The following HELLS variants were observed in gnomAD, a reference collection of about 807,000 sequenced individuals.
HELLS encodes the protein lymphoid-specific helicase.
HELLS carries 32 observed loss-of-function variants against 120.0 expected under a neutral mutation model. The observed-to-expected ratio is 0.27, with a 90% CI of 0.20 to 0.36. The LOEUF (loss-of-function observed/expected upper bound fraction) is 0.36. HELLS is among the 10% of genes least tolerant of loss of function. HELLS has a pLI of 1.00. For missense variants in HELLS, 650 were observed against 993.4 expected (o/e 0.65, Z 4.65); for synonymous variants, 341 against 323.4 (o/e 1.05, Z -0.58).
chr10:94,570,201 C>T (rs1020622814), intron 6 of HELLS: 1 of 151,816 alleles, frequency 6.6e-6, no homozygotes, highest in Non-Finnish European at 1.5e-5. Flanking sequence ...ACCACCAAGC[C>T]CAGCCAACAT....
intron 21 of HELLS, among the ~76,000 whole-genome samples, chr10:94,599,755 T>C (rs1483308012): frequency 6.6e-6 from 1 of 152,192 alleles, no homozygotes; most frequent in Non-Finnish European, 1.5e-5. Context: ...GTAACAGCAA[T>C]AATTGTTTAA....
exon 10 of HELLS, chr10:94,611,274 A>G (rs888958168): frequency 6.6e-5 from 10 of 152,222 alleles, no homozygotes; most frequent in African/African-American, 2.4e-4. Context: ...TAAATGGGTT[A>G]GTGCACAAAA....
At chr10:94,557,725 C>T (rs965341867) in intron 3 of HELLS, among the ~76,000 whole-genome samples, 1 of 152,146 alleles carries the variant, frequency 6.6e-6, no homozygotes, top group Non-Finnish European at 1.5e-5. Flanking sequence ...GGTACTTGAC[C>T]CTGGGAATGC....
At chr10:94,551,223 CT>C (rs1565012967) in intron 2 of HELLS, among the ~76,000 whole-genome samples, 1 of 152,090 alleles carries the variant, frequency 6.6e-6, no homozygotes, top group Non-Finnish European at 1.5e-5. Context: ...GTATGCATTA[CT>C]TTTGTTAGGT....
intron 9 of HELLS, among the ~76,000 whole-genome samples, chr10:94,575,771 TTGTGTG>T (rs71031588): frequency 0.033 from 4,035 of 122,534 alleles, 115 homozygotes; most frequent in African/African-American, 0.051. Flanking sequence ...GGGGTTGTGT[TTGTGTG>T]TGTGTGTGTG....
chr10:94,602,494 A>G (rs4918419), downstream of HELLS, among the ~76,000 whole-genome samples: 57,975 of 151,980 alleles, frequency 0.38, 11,460 homozygotes, highest in East Asian at 0.68. Context: ...ACAATGAGGA[A>G]GAGAAATCCT....
At chr10:94,576,337 A>G (rs577025016) in intron 9 of HELLS, among the ~76,000 whole-genome samples, 1 of 151,934 alleles carries the variant, frequency 6.6e-6, no homozygotes, top group South Asian at 2.1e-4. Context: ...TTTTTTGTAG[A>G]GATGGGATTT....
downstream of HELLS, among the ~76,000 whole-genome samples, chr10:94,604,601 T>A (rs565405633): frequency 2.6e-5 from 4 of 152,184 alleles, no homozygotes; most frequent in Non-Finnish European, 2.9e-5. Flanking sequence ...AAATACCTTC[T>A]TGAAAAGCCT....
chr10:94,550,711 GA>G (rs1451198505), intron 2 of HELLS, among the ~76,000 whole-genome samples: 1 of 152,060 alleles, frequency 6.6e-6, no homozygotes, highest in African/African-American at 2.4e-5. Flanking sequence ...GTAACAGGGT[GA>G]AACCCCATCT....
chr10:94,595,647 G>A (rs750446508), intron 19 of HELLS, among the ~76,000 whole-genome samples: 49 of 152,194 alleles, frequency 3.2e-4, no homozygotes, highest in Middle Eastern at 6.8e-3. Flanking sequence ...AAATTCTGAG[G>A]AGGTGGGGAA....
chr10:94,593,477 T>G (rs1377323574), intron 17 of HELLS, 22 bp from the exon 18 acceptor site: 21 of 1,402,340 alleles, frequency 1.5e-5, no homozygotes, highest in Non-Finnish European at 2.1e-5. Context: ...ATCTGTTGTA[T>G]TTACATCCTT....
exon 10 of HELLS, chr10:94,610,263 T>C (rs1262123990): frequency 1.3e-5 from 2 of 152,006 alleles, no homozygotes; most frequent in Non-Finnish European, 2.9e-5. Context: ...ACCAAGCGAA[T>C]ACACTGGATT....
intron 12 of HELLS, 44 bp downstream of exon 12, chr10:94,583,103 A>G (rs1431056857): frequency 1.8e-6 from 2 of 1,116,042 alleles, no homozygotes; most frequent in Non-Finnish European, 2.6e-6. Flanking sequence ...GGCTCGATAG[A>G]GTATAAAAGG....
exon 10 of HELLS, chr10:94,611,728 TGAAGA>T (rs1348341218): frequency 6.6e-6 from 1 of 152,144 alleles, no homozygotes; most frequent in Non-Finnish European, 1.5e-5. Flanking sequence ...AAATTTTAAG[TGAAGA>T]GAACAATTCT....
chr10:94,563,069 C>G (rs1454983594), intron 6 of HELLS, among the ~76,000 whole-genome samples, 193 bp downstream of exon 6: 1 of 151,648 alleles, frequency 6.6e-6, no homozygotes, highest in African/African-American at 2.4e-5. Flanking sequence ...AGACTTGAGA[C>G]TAATCTGAAA....
chr10:94,591,803 T>G (rs893129751), intron 15 of HELLS, among the ~76,000 whole-genome samples: 1 of 152,208 alleles, frequency 6.6e-6, no homozygotes, highest in Non-Finnish European at 1.5e-5. Context: ...GGTGAAAAAG[T>G]CTTTGTCCAC....
rs183289805 is a variant in HELLS at position 94,556,433 on chromosome 10, A to G, written c.277-1706A>G. 6.6e-5 allele frequency among the ~76,000 whole-genome samples: 10 copies of G among 152,258 alleles called. No individual in the cohort carries two copies. The South Asian group carries it at 1.5e-3, about 22-fold the overall frequency. On this transcript the variant is annotated intron_variant, in intron 3 of 21. Coordinates refer to ENST00000348459, the MANE Select transcript of HELLS (RefSeq NM_018063.5). ...TTTTTTTATTCCTGAGAAGGATTCC[A>G]TTAAGAAATGTCGTTATTGGGGTGT...
chr10:94,582,476 C>T (rs750250296), intron 11 of HELLS, among the ~76,000 whole-genome samples: 1 of 152,078 alleles, frequency 6.6e-6, no homozygotes, highest in Non-Finnish European at 1.5e-5. Flanking sequence ...CATGCTCATA[C>T]TTAATTGCTC....
chr10:94,579,434 C>A (rs958711893), intron 10 of HELLS, among the ~76,000 whole-genome samples: 1 of 151,870 alleles, frequency 6.6e-6, no homozygotes, highest in African/African-American at 2.4e-5. Flanking sequence ...ATCTCCTGCC[C>A]TCGTGATCCG....
Sources: allele counts gnomAD v4.1 joint callset (sites outside exome capture counted in the v4.1 genomes callset), GRCh38; gene constraint gnomAD v4.1.1; transcripts MANE v1.5; gene names NCBI Gene and HGNC (gene_info 2026-07-23, HGNC 2026-07-21).